SLC16A4: variants seen among roughly 807,000 people sequenced by gnomAD.
SLC16A4 encodes the protein solute carrier family 16 member 4, also known as probable monocarboxylate transporter 5.
A neutral mutation model predicts 47.9 loss-of-function variants in SLC16A4; 39 were observed. That is an observed-to-expected ratio of 0.81 (90% confidence interval 0.63 to 1.06). SLC16A4 has a LOEUF of 1.06. Ranked by LOEUF, SLC16A4 falls within the 50% of genes least tolerant of loss-of-function variation. The probability of loss-of-function intolerance (pLI) is 0.00; values close to 1 mark genes in which losing one functional copy is unlikely to be tolerated. For missense variants in SLC16A4, 524 were observed against 573.8 expected (o/e 0.91, Z 0.89); for synonymous variants, 189 against 199.9 (o/e 0.95, Z 0.46).
At chr1:110,377,826 T>G (rs888646107) in intron 6 of SLC16A4, among the ~76,000 whole-genome samples, 3 of 152,018 alleles carry the variant, frequency 2.0e-5, no homozygotes, top group African/African-American at 7.2e-5. Context: ...ATTTATTTAT[T>G]TTTATTTTAT....
intron 3 of SLC16A4, 42 bp downstream of exon 3, chr1:110,382,792 G>T: frequency 2.0e-6 from 3 of 1,476,682 alleles, no homozygotes; most frequent in Non-Finnish European, 2.7e-6. Context: ...TGCCCTTTGT[G>T]GTTCTTCTCC....
chr1:110,390,465 G>T (rs115134299), intron 1 of SLC16A4, among the ~76,000 whole-genome samples: 1 of 152,284 alleles, frequency 6.6e-6, no homozygotes, highest in South Asian at 2.1e-4. Context: ...AAGACAGTTT[G>T]TGGGGACAGT....
intron 8 of SLC16A4, among the ~76,000 whole-genome samples, chr1:110,369,758 C>T (rs1661590901): frequency 6.6e-6 from 1 of 152,176 alleles, no homozygotes; most frequent in Admixed American, 6.5e-5. Flanking sequence ...AGACAATTTT[C>T]CTCTCATCCC....
In SLC16A4 at chr1:110,377,028, T is replaced by C. The variant is rs748273547; in HGVS notation, c.1164A>G (p.Thr388=). The stretch of plus-strand genomic sequence containing the variant: ...TGGTGTAGGTCATAAGTAGTGGAAA[T>C]GTGGTGGCTAAAGGAGCAAGCAGGT... ...ITNLLAPLAT[T]FPLLMTYTIC... The change falls in exon 7 of 9, where the codon ACA becomes ACG. Residue 388 remains threonine (T), a synonymous_variant. Coordinates refer to ENST00000369779, the MANE Select transcript of SLC16A4 (RefSeq NM_004696.3). 1.2e-6 allele frequency: 2 copies of C among 1,613,496 alleles called. No homozygotes were observed. The highest frequency in any genetic ancestry group is 1.7e-5 in the Admixed American group (1 of 59,950).
rs1661205861 is a variant in SLC16A4 at position 110,363,712 on chromosome 1, A to G, written c.*54T>C. On this transcript the variant is annotated 3_prime_UTR_variant, in exon 9 of 9. Transcript: ENST00000369779. The stretch of plus-strand genomic sequence containing the variant: ...CTTTCAAGCTTTTGTTTCCAATGAC[A>G]TTAGTTTAGGTTTTCTTTTGTTTAG... 2.7e-6 allele frequency: 4 copies of G among 1,498,744 alleles called. No homozygotes were observed. Among genetic ancestry groups the G allele is most frequent in the East Asian group, 2.4e-5 (1 of 41,948 alleles). The allele number at this position is 1,498,744 out of a possible 1,614,324, so 92.8% of individuals were successfully genotyped here. A position where few individuals can be genotyped will look rare whatever the true frequency, so the allele number is the denominator to read the frequency against.
In SLC16A4 at chr1:110,379,207, C is replaced by T. The variant is rs200214029; in HGVS notation, c.676G>A (p.Glu226Lys). The change falls in exon 6 of 9, where the codon GAA becomes AAA. Residue 226 changes from glutamate (E) to lysine (K), a missense_variant. Glu to Lys is a moderately conservative substitution (Grantham distance 56, BLOSUM62 1). Transcript: ENST00000369779. ...TCTTCTGTCTCATGGCAGTGTGTTT[C>T]TGTTGCATGTGCCTCTGGACCATGT... ...SAHGPEAHAT[E>K]THCHETEEST... is the part of the protein sequence containing the mutation. The T allele has an allele frequency of 6.2e-7, 1 of 1,614,178 alleles. No homozygotes were observed. Among genetic ancestry groups the T allele is most frequent in the African/African-American group, 1.3e-5 (1 of 75,038 alleles).
At chr1:110,385,398 ACACT>A (rs1307740500) in intron 2 of SLC16A4, among the ~76,000 whole-genome samples, 1 of 152,266 alleles carries the variant, frequency 6.6e-6, no homozygotes, top group Non-Finnish European at 1.5e-5. Context: ...TTGGCACTTA[ACACT>A]CAAACAATTA....
chr1:110,372,845 C>T (rs555031122), intron 8 of SLC16A4: 20 of 152,254 alleles, frequency 1.3e-4, no homozygotes, highest in Non-Finnish European at 2.4e-4. Flanking sequence ...TTTATCCTCA[C>T]GTATGGTGCT....
chr1:110,366,320 G>A (rs538904935), intron 8 of SLC16A4, among the ~76,000 whole-genome samples: 2 of 151,954 alleles, frequency 1.3e-5, no homozygotes, highest in Non-Finnish European at 2.9e-5. Context: ...ACCACACCCG[G>A]CTCATTTTTT....
chr1:110,368,223 A>G (rs1661498702), intron 8 of SLC16A4, among the ~76,000 whole-genome samples: 1 of 152,260 alleles, frequency 6.6e-6, no homozygotes, highest in Non-Finnish European at 1.5e-5. Context: ...TTGACATTCA[A>G]AAGACTAGAT....
chr1:110,368,734 T>A (rs931353996), intron 8 of SLC16A4, among the ~76,000 whole-genome samples: 1 of 152,188 alleles, frequency 6.6e-6, no homozygotes, highest in African/African-American at 2.4e-5. Context: ...CCATTTTTTT[T>A]ACAGTCAGTT....
intron 6 of SLC16A4, among the ~76,000 whole-genome samples, 157 bp from the exon 7 acceptor site, chr1:110,377,318 T>A (rs1385130982): frequency 1.3e-5 from 2 of 152,230 alleles, no homozygotes; most frequent in African/African-American, 4.8e-5. Context: ...TATTATATAC[T>A]TACCTATTCC....
chr1:110,366,299 A>G (rs1661392863), intron 8 of SLC16A4, among the ~76,000 whole-genome samples: 1 of 152,084 alleles, frequency 6.6e-6, no homozygotes, highest in African/African-American at 2.4e-5. Flanking sequence ...CTGGGATTAT[A>G]GGTGCCTACC....
intron 8 of SLC16A4, among the ~76,000 whole-genome samples, chr1:110,366,117 C>CAA (rs1661366863): frequency 7.0e-6 from 1 of 143,768 alleles, no homozygotes; most frequent in East Asian, 2.0e-4. Flanking sequence ...CACACACACA[C>CAA]ACACACACAC....
At position 110,381,088 on chromosome 1, in the gene SLC16A4, G is replaced by T; in HGVS notation, c.420C>A (p.Phe140Leu). The T allele has an allele frequency of 6.2e-6, 10 of 1,614,072 alleles. No homozygotes were observed. Among genetic ancestry groups the T allele is most frequent in the East Asian group, 2.2e-5 (1 of 44,876 alleles). ...QVAAVVTTKY[F>L]KKRLALSTAI... ...CTGTAGAAAGAGCCAATCGTTTTTT[G>T]AAGTATTTGGTAGTTACCACAGCAG... Residue 140 changes from phenylalanine to leucine, a missense_variant, in exon 5 of 9, where the codon TTC becomes TTA. Transcript: ENST00000369779.
In SLC16A4 at chr1:110,389,221, A is replaced by G. The variant is rs1179338031; in HGVS notation, c.87+16T>C. 6.2e-7 allele frequency: 1 copy of G among 1,606,508 alleles called. No individual in the cohort carries two copies. On this transcript the variant is annotated intron_variant, in intron 2 of 8. Transcript: ENST00000369779. ...CTTTTAGGCAATAGGAAAGGGGGAA[A>G]AAAGTGAATTCTTACCAGGAAAAAA...
intron 8 of SLC16A4, among the ~76,000 whole-genome samples, chr1:110,368,392 C>T (rs1002638693): frequency 1.3e-5 from 2 of 152,144 alleles, no homozygotes; most frequent in African/African-American, 4.8e-5. Flanking sequence ...GCAGCTGATG[C>T]AGAATTATTA....
At chr1:110,366,998 A>G (rs1354746927) in intron 8 of SLC16A4, among the ~76,000 whole-genome samples, 2 of 152,238 alleles carry the variant, frequency 1.3e-5, no homozygotes, top group African/African-American at 4.8e-5. Flanking sequence ...ATTTAGTTTT[A>G]GGATGCTGTT....
At chr1:110,381,816 C>T (rs774315743) in intron 3 of SLC16A4, 21 bp from the exon 4 acceptor site, 41 of 1,604,180 alleles carry the variant, frequency 2.6e-5, no homozygotes, top group Non-Finnish European at 3.2e-5. Context: ...GAAAGAAAGG[C>T]AATTCTTAGG....
Sources: allele counts gnomAD v4.1 joint callset (sites outside exome capture counted in the v4.1 genomes callset), GRCh38; gene constraint gnomAD v4.1.1; transcripts MANE v1.5; gene names NCBI Gene and HGNC (gene_info 2026-07-23, HGNC 2026-07-21).